Variants in ANK2 observed in about 807,000 individuals in gnomAD.
The protein encoded by ANK2 is ankyrin 2.
Under a neutral mutation model 360.5 loss-of-function variants are expected in ANK2, and 83 were observed. That is an observed-to-expected ratio of 0.23 (90% CI 0.19 to 0.28). The LOEUF (loss-of-function observed/expected upper bound fraction) is 0.28, where lower values mean the gene tolerates loss of function less well. Among genes scored for constraint, ANK2 ranks in the 10% least tolerant of loss-of-function variants. The pLI is 1.00. For missense variants in ANK2, 4,201 were observed against 4,795.7 expected (o/e 0.88, Z 3.66); for synonymous variants, 1,740 against 1,759.5 (o/e 0.99, Z 0.28).
chr4:112,858,774 G>A (rs1432822961), intron 1 of ANK2, among the ~76,000 whole-genome samples: 2 of 152,140 alleles, frequency 1.3e-5, no homozygotes, highest in Non-Finnish European at 2.9e-5. Flanking sequence ...TCACATTGTA[G>A]GTAGGTAATC....
intron 1 of ANK2, among the ~76,000 whole-genome samples, chr4:113,140,807 T>C (rs552322406): frequency 2.0e-5 from 3 of 152,182 alleles, no homozygotes; most frequent in Admixed American, 2.0e-4. Context: ...GGTGAAACCC[T>C]GTCTCTACTA....
At position 113,356,915 on chromosome 4, in the gene ANK2, C is replaced by G. The variant is rs570797944; in HGVS notation, c.8297C>G (p.Thr2766Ser). 2 of 1,614,056 alleles carry G rather than the reference C, an allele frequency of 1.2e-6. No individual in the cohort carries two copies. The highest frequency in any genetic ancestry group is 1.1e-5 in the South Asian group (1 of 91,084). ...DRSYDKLNRD[T>S]DQPKICDGHG... ...TCTTATGATAAGCTAAACAGAGACA[C>G]TGATCAGCCAAAAATCTGTGATGGC... Residue 2766 changes from threonine to serine, a missense_variant, in exon 38 of 46, where the codon ACT (threonine) becomes AGT (serine). By Grantham distance (58) the Thr-to-Ser change is moderately conservative. Coordinates refer to ENST00000357077, the MANE Select transcript of ANK2 (RefSeq NM_001148.6).
chr4:113,284,710 C>T (rs1382123393), intron 18 of ANK2, among the ~76,000 whole-genome samples: 1 of 152,072 alleles, frequency 6.6e-6, no homozygotes, highest in African/African-American at 2.4e-5. Flanking sequence ...GTGTCCTAAA[C>T]ACATAGTATG....
chr4:112,866,174 T>A (rs1252814515), intron 1 of ANK2, among the ~76,000 whole-genome samples: 6 of 152,198 alleles, frequency 3.9e-5, no homozygotes, highest in Non-Finnish European at 7.3e-5. Flanking sequence ...TAATTATCAG[T>A]TACTGGGCAT....
the ANK2 span, among the ~76,000 whole-genome samples, chr4:112,756,326 G>A: frequency 1.3e-5 from 2 of 148,936 alleles, no homozygotes; most frequent in African/African-American, 2.6e-5. Context: ...ATCTAGCTGG[G>A]GTTTATGATT....
the ANK2 span, among the ~76,000 whole-genome samples, chr4:112,766,711 C>T: frequency 6.6e-6 from 1 of 152,198 alleles, no homozygotes; most frequent in East Asian, 1.9e-4. Context: ...TAAACCCATA[C>T]TTTAATCTTA....
At chr4:112,905,048 G>A (rs553105078) in intron 2 of ANK2, among the ~76,000 whole-genome samples, 50 of 152,212 alleles carry the variant, frequency 3.3e-4, no homozygotes, top group African/African-American at 1.0e-3. Context: ...GGAAATATTA[G>A]ACTTAAATGA....
chr4:113,213,549 T>A (rs986358230), intron 4 of ANK2, among the ~76,000 whole-genome samples: 2 of 152,192 alleles, frequency 1.3e-5, no homozygotes, highest in African/African-American at 4.8e-5. Flanking sequence ...ATAATATAAA[T>A]CTTTGATTCA....
chr4:112,864,557 AC>A (rs1441492526), intron 1 of ANK2, among the ~76,000 whole-genome samples: 2 of 151,244 alleles, frequency 1.3e-5, no homozygotes, highest in African/African-American at 4.9e-5. Flanking sequence ...CGATATGCCC[AC>A]CCCGGCCTCC....
intron 2 of ANK2, among the ~76,000 whole-genome samples, chr4:112,957,617 G>C (rs1355568612): frequency 7.1e-6 from 1 of 141,270 alleles, no homozygotes; most frequent in African/African-American, 2.7e-5. Flanking sequence ...CTCACCTCCC[G>C]GACGGGGCGG....
the ANK2 span, among the ~76,000 whole-genome samples, chr4:112,764,839 C>T: frequency 3.3e-5 from 5 of 151,756 alleles, no homozygotes; most frequent in Non-Finnish European, 7.4e-5. Context: ...TCCCGAGTAG[C>T]TGGGATTACA....
At chr4:113,289,218 T>TC (rs1307494274) in intron 20 of ANK2, among the ~76,000 whole-genome samples, 38 of 149,050 alleles carry the variant, frequency 2.5e-4, no homozygotes, top group Non-Finnish European at 3.7e-4. Context: ...TCTTTTTCTT[T>TC]TTTTTTTTTT....
chr4:112,821,457 T>C (rs919232432), intron 1 of ANK2, among the ~76,000 whole-genome samples: 9 of 152,170 alleles, frequency 5.9e-5, no homozygotes, highest in Non-Finnish European at 1.0e-4. Flanking sequence ...CTGATTGTTA[T>C]AGTTTTCTAA....
intron 41 of ANK2, 59 bp downstream of exon 41, chr4:113,365,241 T>A (rs2154054343): frequency 6.3e-7 from 1 of 1,576,856 alleles, no homozygotes; most frequent in Non-Finnish European, 8.6e-7. Flanking sequence ...GTTGTGTCTG[T>A]GTGTGGTTAA....
intron 20 of ANK2, among the ~76,000 whole-genome samples, chr4:113,288,931 T>C (rs1430211327): frequency 6.6e-6 from 1 of 152,102 alleles, no homozygotes; most frequent in Non-Finnish European, 1.5e-5. Flanking sequence ...ACATGCTCAG[T>C]GAGGCAATAA....
intron 2 of ANK2, among the ~76,000 whole-genome samples, chr4:113,006,827 G>T (rs1280159560): frequency 1.3e-5 from 2 of 151,132 alleles, no homozygotes; most frequent in Non-Finnish European, 3.0e-5. Context: ...CTGCCTCATG[G>T]TGGGGCAATA....
chr4:112,818,781 A>G (rs764717385), intron 1 of ANK2, among the ~76,000 whole-genome samples: 9 of 152,218 alleles, frequency 5.9e-5, no homozygotes, highest in Non-Finnish European at 1.2e-4. Flanking sequence ...TTTGGTAAAC[A>G]GCAGTGCTAT....
intron 1 of ANK2, among the ~76,000 whole-genome samples, chr4:113,116,535 G>A (rs1343114694): frequency 6.6e-6 from 1 of 152,200 alleles, no homozygotes; most frequent in Non-Finnish European, 1.5e-5. Context: ...CACGGCAGTG[G>A]CAAGTAACTC....
chr4:113,150,308 G>A (rs1332313553), intron 1 of ANK2, among the ~76,000 whole-genome samples: 1 of 152,126 alleles, frequency 6.6e-6, no homozygotes, highest in Non-Finnish European at 1.5e-5. Flanking sequence ...AATAATGCTT[G>A]GACTCTCAAG....
Sources: gnomAD v4.1 joint callset for allele counts (sites outside exome capture counted in the v4.1 genomes callset) on GRCh38, gnomAD v4.1.1 for gene constraint, MANE v1.5 for transcripts, NCBI Gene and HGNC (gene_info 2026-07-23, HGNC 2026-07-21) for gene names.